The following ZC3H3 variants were observed in gnomAD, a reference collection of about 807,000 sequenced individuals.
The protein encoded by ZC3H3 is zinc finger CCCH domain-containing protein 3.
Under a neutral mutation model 77.3 loss-of-function variants are expected in ZC3H3, and 36 were observed. The ratio of observed to expected loss-of-function variants is 0.47; its 90% confidence interval spans 0.36 to 0.61. The LOEUF is 0.61. ZC3H3 is among the 20% of genes least tolerant of loss of function. ZC3H3 has a pLI of 0.00. For missense variants in ZC3H3, 1,331 were observed against 1,312.2 expected, an observed-to-expected ratio of 1.01 and a Z score of -0.22; for synonymous variants, 626 against 555.2, an observed-to-expected ratio of 1.13 and a Z score of -1.79.
intron 9 of ZC3H3, among the ~76,000 whole-genome samples, chr8:143,459,752 T>C (rs187621203): frequency 6.6e-6 from 1 of 150,896 alleles, no homozygotes; most frequent in African/African-American, 2.5e-5. Context: ...CTGACAAAAT[T>C]CAACACCATT....
At chr8:143,501,793 C>T (rs944341941) in intron 4 of ZC3H3, among the ~76,000 whole-genome samples, 14 of 152,186 alleles carry the variant, frequency 9.2e-5, no homozygotes, top group Admixed American at 5.9e-4. Flanking sequence ...TGCCCGGCCC[C>T]GGGGCGCGGG....
intron 3 of ZC3H3, among the ~76,000 whole-genome samples, chr8:143,534,887 C>T (rs1380700900): frequency 1.3e-5 from 2 of 152,038 alleles, no homozygotes; most frequent in Non-Finnish European, 2.9e-5. Context: ...TCCCACCCCA[C>T]TGTGCTGCAA....
At chr8:143,473,821 G>A (rs1039464486) in intron 5 of ZC3H3, among the ~76,000 whole-genome samples, 2 of 152,214 alleles carry the variant, frequency 1.3e-5, no homozygotes, top group Non-Finnish European at 2.9e-5. Context: ...GCTGGTGGCT[G>A]GTGGACGGCC....
At chr8:143,529,758 T>C (rs921685109) in intron 3 of ZC3H3, among the ~76,000 whole-genome samples, 1 of 152,022 alleles carries the variant, frequency 6.6e-6, no homozygotes, top group African/African-American at 2.4e-5. Flanking sequence ...GCTCTGGGGC[T>C]GGGGGAAGCC....
chr8:143,460,738 G>A lies in ZC3H3; in HGVS notation c.2307+4979C>T, dbSNP rs1482991911. ...AGAAAGGAATGAGGTGCTGCTACACGTGTGAACCCTGGAAACATTATGCCG... is the reference window on the plus strand; with the variant it reads ...AGAAAGGAATGAGGTGCTGCTACACATGTGAACCCTGGAAACATTATGCCG... On this transcript the variant is annotated intron_variant, in intron 9 of 11. Transcript: ENST00000262577. This position sits in a 1 kb window ranked among gnomAD's most constrained non-coding sequence, Gnocchi z 4.0. Among the ~76,000 whole-genome samples, 5 of 152,192 alleles carry A rather than the reference G, an allele frequency of 3.3e-5. No individual in the cohort carries two copies. Among genetic ancestry groups the A allele is most frequent in the Non-Finnish European group, 5.9e-5 (4 of 68,036 alleles).
chr8:143,506,746 G>A (rs530459637), intron 4 of ZC3H3, among the ~76,000 whole-genome samples: 1 of 152,326 alleles, frequency 6.6e-6, no homozygotes, highest in African/African-American at 2.4e-5. Flanking sequence ...ACACCACCTG[G>A]TGGGCTCGCC....
Position 143,475,390 on chromosome 8 carries a change from C to T in ZC3H3, c.1903+8G>A. ...TCATCTCCCAGCGCCCCCGCCCTCA[C>T]CTCTCACCTGTGCGCAGGAGGGGCC... On this transcript the variant is annotated splice_region_variant and intron_variant, in intron 5 of 11. Transcript: ENST00000262577. The T allele has an allele frequency of 6.2e-7, 1 of 1,612,014 alleles. No individual in the cohort carries two copies. The highest frequency in any genetic ancestry group is 8.5e-7 in the Non-Finnish European group (1 of 1,179,430).
intron 3 of ZC3H3, among the ~76,000 whole-genome samples, chr8:143,513,482 A>G (rs990675106): frequency 1.3e-5 from 2 of 152,198 alleles, no homozygotes; most frequent in Non-Finnish European, 2.9e-5. Context: ...CTCAGGCACA[A>G]GGAGTCCCGT....
intron 3 of ZC3H3, among the ~76,000 whole-genome samples, chr8:143,527,808 G>T (rs1290821475): frequency 6.6e-6 from 1 of 152,094 alleles, no homozygotes; most frequent in Non-Finnish European, 1.5e-5. Context: ...AGCCCAGCAG[G>T]AACATCACAC....
At position 143,539,239 on chromosome 8, in the gene ZC3H3, G is replaced by A. The variant is rs1196747975; in HGVS notation, c.128C>T (p.Thr43Ile). 1 of 1,612,804 alleles carries A rather than the reference G, an allele frequency of 6.2e-7. No homozygotes were observed. Among genetic ancestry groups the A allele is most frequent in the African/African-American group, 1.3e-5 (1 of 74,928 alleles). The change falls in exon 2 of 12, where the codon ACT (threonine) becomes ATT (isoleucine). Residue 43 changes from threonine to isoleucine, a missense_variant. Transcript: ENST00000262577. ...TPAASGWQPP[T>I]YHSGRAFSAR... ...ACTAAAGGCTCTGCCACTGTGGTAA[G>A]TGGGTGGCTGCCACCCAGAAGCTGC... is the stretch of plus-strand genomic sequence containing the variant.
In ZC3H3 at chr8:143,475,521, G is replaced by A; in HGVS notation, c.1780C>T (p.Pro594Ser). The change falls in exon 5 of 12, where the codon CCT becomes TCT. Residue 594 changes from proline (P) to serine (S), a missense_variant. Transcript: ENST00000262577. ...CGGTAGCCTTTGCTCCGCCACCAAGGGGAGCCCGGTTGGGCTTTCCCACCC... is the reference window on the plus strand; with the variant it reads ...CGGTAGCCTTTGCTCCGCCACCAAGAGGAGCCCGGTTGGGCTTTCCCACCC... ...SGGGKAQPGS[P>S]WWRSKGYRCI... 6.2e-7 allele frequency: 1 copy of A among 1,612,002 alleles called. No homozygotes were observed. The highest frequency in any genetic ancestry group is 8.5e-7 in the Non-Finnish European group (1 of 1,179,566).
chr8:143,478,542 T>G (rs542469265), intron 4 of ZC3H3, among the ~76,000 whole-genome samples: 1 of 152,316 alleles, frequency 6.6e-6, no homozygotes, highest in East Asian at 1.9e-4. Context: ...GGAGTTTTGC[T>G]CTTGTGACCC....
chr8:143,461,423 C>T (rs79630778), intron 9 of ZC3H3, among the ~76,000 whole-genome samples: 5 of 152,238 alleles, frequency 3.3e-5, no homozygotes, highest in Middle Eastern at 3.4e-3. Context: ...ACAGTGAAGC[C>T]GTTTTAGAAA....
chr8:143,536,560 G>T, intron 2 of ZC3H3, 107 bp from the exon 3 acceptor site: 1 of 1,225,474 alleles, frequency 8.2e-7, no homozygotes, highest in Non-Finnish European at 1.1e-6. Context: ...TGAAGGCCAG[G>T]ACCAGGCCAC....
intron 3 of ZC3H3, among the ~76,000 whole-genome samples, chr8:143,529,594 A>G (rs1462114492): frequency 6.6e-6 from 1 of 152,170 alleles, no homozygotes; most frequent in Non-Finnish European, 1.5e-5. Flanking sequence ...ATGTCGCACC[A>G]CAGTCGGGGG....
In ZC3H3 at chr8:143,468,455, G is replaced by A. The variant is rs1184295590; in HGVS notation, c.2032C>T (p.Arg678Cys). 3.7e-6 allele frequency: 6 copies of A among 1,610,320 alleles called. No homozygotes were observed. Among genetic ancestry groups the A allele is most frequent in the South Asian group, 3.3e-5 (3 of 90,488 alleles). The change falls in exon 7 of 12, where the codon CGC becomes TGC. Residue 678 changes from arginine to cysteine, a missense_variant. Coordinates refer to ENST00000262577, the MANE Select transcript of ZC3H3 (RefSeq NM_015117.3). ...KRKEYCMYYN[R>C]FGRCNRGERC... ...TCGCCACGGTTGCACCTGCCGAAGCGGTTGTAGTACATGCAGTACTCCTTC... is the reference window on the plus strand; with the variant it reads ...TCGCCACGGTTGCACCTGCCGAAGCAGTTGTAGTACATGCAGTACTCCTTC...
intron 3 of ZC3H3, among the ~76,000 whole-genome samples, chr8:143,535,269 C>A (rs1235257329): frequency 6.6e-6 from 1 of 152,096 alleles, no homozygotes; most frequent in Non-Finnish European, 1.5e-5. Context: ...GAACTCCTGG[C>A]CTCAAGTGAT....
chr8:143,438,179 G>A (rs1264990183), intron 11 of ZC3H3, 92 bp from the exon 12 acceptor site: 1 of 1,493,204 alleles, frequency 6.7e-7, no homozygotes, highest in African/African-American at 1.4e-5. Flanking sequence ...GGATCGGGGG[G>A]CTCTGTCAGC....
intron 5 of ZC3H3, among the ~76,000 whole-genome samples, chr8:143,471,229 G>A (rs192701649): frequency 3.3e-5 from 5 of 152,360 alleles, no homozygotes; most frequent in South Asian, 4.1e-4. Flanking sequence ...CTCACAGCGC[G>A]CCCACCAGGC....
Sources: gnomAD v4.1 joint callset for allele counts (sites outside exome capture counted in the v4.1 genomes callset) on GRCh38, gnomAD v4.1.1 for gene constraint, Gnocchi (gnomAD v3.1) non-coding constraint, MANE v1.5 for transcripts, NCBI Gene and HGNC (gene_info 2026-07-23, HGNC 2026-07-21) for gene names.